The following SLC38A8 variants were observed in gnomAD, a reference collection of about 807,000 sequenced individuals.
SLC38A8 encodes the protein solute carrier family 38 member 8.
Under a neutral mutation model 46.0 loss-of-function variants are expected in SLC38A8, and 65 were observed. The ratio of observed to expected loss-of-function variants is 1.41; its 90% CI spans 1.16 to 1.74. SLC38A8 has a LOEUF of 1.74. Among genes scored for constraint, SLC38A8 ranks in the 40% most tolerant of loss-of-function variants. SLC38A8 has a pLI of 0.00. For synonymous variants in SLC38A8, 447 were observed against 243.7 expected (o/e 1.83, Z -7.77); for missense variants, 998 against 567.9 (o/e 1.76, Z -7.70).
At chr16:84,024,330 A>G (rs1460020637) in intron 6 of SLC38A8, among the ~76,000 whole-genome samples, 1 of 152,144 alleles carries the variant, frequency 6.6e-6, no homozygotes, top group Non-Finnish European at 1.5e-5. Context: ...TATATGTGAC[A>G]TGCCATATTG....
chr16:84,036,288 G>A (rs759902500), intron 3 of SLC38A8, among the ~76,000 whole-genome samples: 51 of 152,240 alleles, frequency 3.3e-4, no homozygotes, highest in Non-Finnish European at 7.1e-4. Flanking sequence ...TTGGCAAGAT[G>A]CAGCTAAAGC....
intron 9 of SLC38A8, among the ~76,000 whole-genome samples, chr16:84,013,396 T>C (rs985657649): frequency 6.7e-6 from 1 of 149,460 alleles, no homozygotes; most frequent in Non-Finnish European, 1.5e-5. Flanking sequence ...AACTGGCAGC[T>C]ACCATTACTT....
At chr16:84,033,283 C>G in intron 4 of SLC38A8, 45 bp downstream of exon 4, 1 of 1,613,148 alleles carries the variant, frequency 6.2e-7, no homozygotes, top group Non-Finnish European at 8.5e-7. Context: ...GACACAAACA[C>G]TCAGCAAGGT....
intron 5 of SLC38A8, among the ~76,000 whole-genome samples, chr16:84,031,307 C>T (rs1387942931): frequency 6.6e-6 from 1 of 152,206 alleles, no homozygotes. Context: ...TCCCAAAGTG[C>T]TGGGATCACA....
intron 7 of SLC38A8, among the ~76,000 whole-genome samples, chr16:84,022,080 C>T (rs1328020783): frequency 5.3e-5 from 8 of 152,214 alleles, no homozygotes; most frequent in African/African-American, 1.7e-4. Flanking sequence ...CTCAATGCTA[C>T]CACATCAGGG....
At chr16:84,028,832 T>A (rs2085200367) in intron 6 of SLC38A8, among the ~76,000 whole-genome samples, 1 of 152,086 alleles carries the variant, frequency 6.6e-6, no homozygotes, top group African/African-American at 2.4e-5. Flanking sequence ...TGGGGTGCGC[T>A]TCCAGTCACC....
At chr16:84,015,385 G>A (rs1422425888) in intron 9 of SLC38A8, among the ~76,000 whole-genome samples, 2 of 152,084 alleles carry the variant, frequency 1.3e-5, no homozygotes, top group Non-Finnish European at 2.9e-5. Flanking sequence ...CGCAGAAACG[G>A]TGTTTGCCTC....
chr16:84,036,069 A>C (rs1345374756), intron 3 of SLC38A8, among the ~76,000 whole-genome samples: 1 of 152,238 alleles, frequency 6.6e-6, no homozygotes, highest in Non-Finnish European at 1.5e-5. Context: ...ATCTCAAAAG[A>C]CAGCAATGAT....
chr16:84,033,826 G>C (rs977558399), intron 3 of SLC38A8, among the ~76,000 whole-genome samples: 9 of 152,180 alleles, frequency 5.9e-5, no homozygotes, highest in African/African-American at 2.2e-4. Context: ...GAGTCAAATG[G>C]GGGCCTGAAG....
At position 84,015,122 on chromosome 16, in the gene SLC38A8, G is replaced by A. The variant is rs147263961; in HGVS notation, c.1162+1397C>T. Among the ~76,000 whole-genome samples the A allele has an allele frequency of 5.3e-5, 8 of 152,188 alleles. No homozygotes were observed. The East Asian group carries it at 5.8e-4, about 11-fold the overall frequency. ...GTCTGTTTGGCATGGTTCCAGTCGCGGCTGAATCACAGGGTCCACTCACGG... is the reference window on the plus strand; with the variant it reads ...GTCTGTTTGGCATGGTTCCAGTCGCAGCTGAATCACAGGGTCCACTCACGG... On this transcript the variant is annotated intron_variant, in intron 9 of 10. Transcript: ENST00000299709.
rs767108917 is a variant in SLC38A8 at position 84,013,061 on chromosome 16, A to T, written c.1163-9T>A. ...ACAGATGAGGCACAAACCTGCAAAA[A>T]AGACAGGGTCACCCACAGTTCTTCG... On this transcript the variant is annotated splice_polypyrimidine_tract_variant and intron_variant, in intron 9 of 10. Coordinates refer to ENST00000299709, the MANE Select transcript of SLC38A8 (RefSeq NM_001080442.3). 1.5e-5 allele frequency: 25 copies of T among 1,613,960 alleles called. No individual in the cohort carries two copies. The highest frequency in any genetic ancestry group is 2.0e-5 in the Non-Finnish European group (24 of 1,179,966).
At chr16:84,040,720 G>A (rs1272017371) in intron 2 of SLC38A8, among the ~76,000 whole-genome samples, 10 of 152,124 alleles carry the variant, frequency 6.6e-5, no homozygotes, top group Non-Finnish European at 1.5e-4. Context: ...TCAGCGCAAA[G>A]GTCACCTCCT....
At chr16:84,035,181 C>T (rs1204671728) in intron 3 of SLC38A8, among the ~76,000 whole-genome samples, 1 of 152,198 alleles carries the variant, frequency 6.6e-6, no homozygotes, top group East Asian at 1.9e-4. Flanking sequence ...CTTAACACAG[C>T]AACGCTACCA....
At chr16:84,032,161 G>C (rs2085247963) in intron 4 of SLC38A8, among the ~76,000 whole-genome samples, 193 bp from the exon 5 acceptor site, 1 of 138,248 alleles carries the variant, frequency 7.2e-6, no homozygotes, top group Non-Finnish European at 1.6e-5. Context: ...CAAGGGGTCA[G>C]ATGTAGAGTT....
intron 7 of SLC38A8, among the ~76,000 whole-genome samples, chr16:84,022,155 G>C (rs1456114761): frequency 6.6e-6 from 1 of 152,174 alleles, no homozygotes; most frequent in Admixed American, 6.5e-5. Context: ...GGAGTCCAAG[G>C]CTGCCTGAGA....
intron 7 of SLC38A8, among the ~76,000 whole-genome samples, chr16:84,021,434 G>T (rs1374033874): frequency 2.0e-5 from 3 of 152,140 alleles, no homozygotes; most frequent in African/African-American, 7.2e-5. Flanking sequence ...CAAATTATTT[G>T]CCAGCTTCTA....
At chr16:84,040,620 A>T (rs901182093) in intron 2 of SLC38A8, among the ~76,000 whole-genome samples, 4 of 152,156 alleles carry the variant, frequency 2.6e-5, no homozygotes, top group Non-Finnish European at 4.4e-5. Context: ...TCACTGCTGT[A>T]ATGGCAGGCT....
intron 10 of SLC38A8, 48 bp downstream of exon 10, chr16:84,012,953 C>T (rs779499799): frequency 6.2e-7 from 1 of 1,600,624 alleles, no homozygotes; most frequent in Admixed American, 1.7e-5. Context: ...CATTCTTACT[C>T]TGATCCGGGG....
In SLC38A8 at chr16:84,026,593, G is replaced by T. The variant is rs548449924; in HGVS notation, c.690+2901C>A. Among the ~76,000 whole-genome samples, 18 of 152,322 alleles carry T rather than the reference G, an allele frequency of 1.2e-4. No homozygotes were observed. The South Asian group carries it at 2.7e-3, about 23-fold the overall frequency. Reference sequence around the variant, plus strand: ...GGCAGGCAGTACCCAGGAGGTGGTGGCAGTGGGCAGTTGCTCGGTGATGGA... The same window carrying T: ...GGCAGGCAGTACCCAGGAGGTGGTGTCAGTGGGCAGTTGCTCGGTGATGGA... On this transcript the variant is annotated intron_variant, in intron 6 of 10. Transcript: ENST00000299709.
Sources: allele counts gnomAD v4.1 joint callset (sites outside exome capture counted in the v4.1 genomes callset), GRCh38; gene constraint gnomAD v4.1.1; transcripts MANE v1.5; gene names NCBI Gene and HGNC (gene_info 2026-07-23, HGNC 2026-07-21).